KLF8: variants seen among roughly 807,000 people sequenced by gnomAD.
The protein encoded by KLF8 is KLF transcription factor 8.
KLF8 carries 10 observed loss-of-function variants against 18.2 expected under a neutral mutation model. That is an observed-to-expected ratio of 0.55 (90% CI 0.34 to 0.93). The LOEUF is 0.93. Ranked by LOEUF, KLF8 falls within the 40% of genes least tolerant of loss-of-function variation. KLF8 has a pLI of 0.02. For missense variants in KLF8, 264 were observed against 277.9 expected (o/e 0.95, Z 0.36); for synonymous variants, 109 against 97.3 (o/e 1.12, Z -0.71).
the KLF8 span, among the ~76,000 whole-genome samples, chrX:56,049,734 T>C: frequency 9.1e-6 from 1 of 109,771 alleles, no homozygotes; most frequent in Non-Finnish European, 1.9e-5. Flanking sequence ...TTCTCTTTTT[T>C]TGTTGTGTTT....
the KLF8 span, among the ~76,000 whole-genome samples, chrX:56,059,236 T>C: frequency 1.8e-5 from 2 of 112,245 alleles, no homozygotes; most frequent in Non-Finnish European, 3.8e-5. Context: ...AAGTTCTTTG[T>C]AGATTCTGGA....
chrX:56,241,430 G>A (rs1444998756), intron 1 of KLF8, among the ~76,000 whole-genome samples: 2 of 111,755 alleles, frequency 1.8e-5, no homozygotes, highest in Admixed American at 1.9e-4. Context: ...GCCTCCCAAA[G>A]TGCTAGGACT....
chrX:56,043,288 G>A, the KLF8 span, among the ~76,000 whole-genome samples: 1 of 109,332 alleles, frequency 9.1e-6, no homozygotes, highest in Non-Finnish European at 1.9e-5. Context: ...ATGATTATGT[G>A]TATTGGAGAT....
chrX:56,182,932 G>A, the KLF8 span, among the ~76,000 whole-genome samples: 2 of 112,387 alleles, frequency 1.8e-5, no homozygotes, highest in Non-Finnish European at 3.8e-5. Flanking sequence ...CCCACTTGAG[G>A]AGGCAGTCTG....
chrX:56,288,577 T>A lies in KLF8; in HGVS notation c.*4083T>A, dbSNP rs1024132979. 8.9e-6 allele frequency among the ~76,000 whole-genome samples: 1 copy of A among 111,825 alleles called. No individual in the cohort carries two copies. The highest frequency in any genetic ancestry group is 3.3e-5 in the African/African-American group (1 of 30,502). ...AAAGCAAGTCACACAAATTTTTTGGTTTCCCAGTGCATATAAAATTTTATG... is the reference window on the plus strand; with the variant it reads ...AAAGCAAGTCACACAAATTTTTTGGATTCCCAGTGCATATAAAATTTTATG... On this transcript the variant is annotated 3_prime_UTR_variant, in exon 6 of 6. Transcript: ENST00000468660.
the KLF8 span, among the ~76,000 whole-genome samples, chrX:56,008,824 C>T: frequency 8.9e-6 from 1 of 112,009 alleles, no homozygotes. Context: ...TGTGGCAGAT[C>T]GTGGCCAGAC....
At chrX:56,127,335 T>C in the KLF8 span, among the ~76,000 whole-genome samples, 5 of 111,124 alleles carry the variant, frequency 4.5e-5, no homozygotes, top group Non-Finnish European at 9.4e-5. Context: ...AGATAAAACA[T>C]GAACTCCAGC....
At chrX:56,172,580 C>G in the KLF8 span, among the ~76,000 whole-genome samples, 2 of 111,776 alleles carry the variant, frequency 1.8e-5, no homozygotes, top group Non-Finnish European at 3.8e-5. Context: ...GTGCATGTGT[C>G]TTTATAGCAG....
the KLF8 span, among the ~76,000 whole-genome samples, chrX:56,009,880 C>T: frequency 9.0e-6 from 1 of 111,725 alleles, no homozygotes; most frequent in Non-Finnish European, 1.9e-5. Flanking sequence ...GACTATCTTG[C>T]TGAAATAAAA....
the KLF8 span, among the ~76,000 whole-genome samples, chrX:55,942,429 T>G: frequency 9.1e-6 from 1 of 110,084 alleles, no homozygotes; most frequent in South Asian, 3.9e-4. Flanking sequence ...AAGGTTGAGT[T>G]AATGGGTGCA....
chrX:56,237,349 C>T (rs1203905104), intron 1 of KLF8, among the ~76,000 whole-genome samples: 2 of 109,414 alleles, frequency 1.8e-5, no homozygotes, highest in African/African-American at 3.3e-5. Context: ...ACAAAATTAA[C>T]ACACTTATTC....
the KLF8 span, among the ~76,000 whole-genome samples, chrX:56,215,840 AAAAAAAAAAAAAAAAAAAAAAAAG>A: frequency 3.4e-5 from 1 of 29,522 alleles, no homozygotes; most frequent in Non-Finnish European, 1.8e-4. Context: ...AAAAAAAAAA[AAAAAAAAAAAAAAAAAAAAAAAAG>A]AAAAGAAAAG....
At chrX:55,989,637 C>T in the KLF8 span, among the ~76,000 whole-genome samples, 2 of 111,444 alleles carry the variant, frequency 1.8e-5, no homozygotes, top group African/African-American at 6.6e-5. Flanking sequence ...CATCGATGTT[C>T]GTCGGGGATA....
the KLF8 span, among the ~76,000 whole-genome samples, chrX:55,988,280 C>T: frequency 9.0e-6 from 1 of 110,709 alleles, no homozygotes; most frequent in East Asian, 2.8e-4. Context: ...CTTGCCCATG[C>T]CTATGTCCTG....
At chrX:55,940,338 T>C in the KLF8 span, among the ~76,000 whole-genome samples, 1 of 111,924 alleles carries the variant, frequency 8.9e-6, no homozygotes, top group African/African-American at 3.2e-5. Context: ...CCCTTCATGC[T>C]AAAAACTCTC....
chrX:55,954,664 C>G, the KLF8 span, among the ~76,000 whole-genome samples: 2 of 111,918 alleles, frequency 1.8e-5, no homozygotes, highest in Admixed American at 1.9e-4. Context: ...ATCATGTGCC[C>G]TAGCAATTCC....
the KLF8 span, among the ~76,000 whole-genome samples, chrX:56,178,737 G>A: frequency 8.9e-6 from 1 of 112,068 alleles, no homozygotes; most frequent in Non-Finnish European, 1.9e-5. Context: ...TTGTTAAATA[G>A]GGAATCCTTT....
chrX:56,259,284 AAAT>A (rs2066850820), intron 2 of KLF8, among the ~76,000 whole-genome samples: 1 of 111,442 alleles, frequency 9.0e-6, no homozygotes, highest in African/African-American at 3.3e-5. Context: ...CATCACCTAC[AAAT>A]AATGACATTG....
the KLF8 span, among the ~76,000 whole-genome samples, chrX:55,912,066 G>C: frequency 8.9e-6 from 1 of 111,857 alleles, no homozygotes; most frequent in Non-Finnish European, 1.9e-5. Context: ...AGAACCACTT[G>C]CTTAGAGTTG....
Sources: allele counts gnomAD v4.1 joint callset (sites outside exome capture counted in the v4.1 genomes callset), GRCh38; gene constraint gnomAD v4.1.1; transcripts MANE v1.5; gene names NCBI Gene and HGNC (gene_info 2026-07-23, HGNC 2026-07-21).